Variants in TTLL8 observed in about 807,000 individuals in gnomAD.
TTLL8 encodes protein monoglycylase TTLL8.
In TTLL8, 65 loss-of-function variants were observed where a neutral mutation model predicts 77.8. The observed-to-expected ratio is 0.84, with a 90% CI of 0.68 to 1.03. The LOEUF (loss-of-function observed/expected upper bound fraction) is 1.03, where lower values mean the gene tolerates loss of function less well. Among genes scored for constraint, TTLL8 ranks in the 50% least tolerant of loss-of-function variants. The probability of loss-of-function intolerance (pLI) is 0.00; values close to 1 mark genes in which losing one functional copy is unlikely to be tolerated. For missense variants in TTLL8, 910 were observed against 1,004.5 expected (o/e 0.91, Z 1.27); for synonymous variants, 402 against 422.8 (o/e 0.95, Z 0.60).
chr22:50,022,848 A>G (rs2061212781), intron 12 of TTLL8, among the ~76,000 whole-genome samples: 1 of 152,276 alleles, frequency 6.6e-6, no homozygotes, highest in South Asian at 2.1e-4. Flanking sequence ...GGCATCTACA[A>G]GTTGCCAGAA....
At chr22:50,021,839 T>C (rs1448635993) in intron 12 of TTLL8, among the ~76,000 whole-genome samples, 1 of 148,068 alleles carries the variant, frequency 6.8e-6, no homozygotes, top group Non-Finnish European at 1.5e-5. Flanking sequence ...CGACGTGCAC[T>C]CCTCCATCTG....
At chr22:50,050,030 A>T in intron 2 of TTLL8, 79 bp downstream of exon 4, 2 of 1,305,218 alleles carry the variant, frequency 1.5e-6, no homozygotes, top group Non-Finnish European at 1.0e-6. Context: ...CAGGCACCAC[A>T]CTCAGGCCGG....
intron 1 of TTLL8, among the ~76,000 whole-genome samples, chr22:50,052,846 A>G (rs1190935417): frequency 6.6e-6 from 1 of 152,274 alleles, no homozygotes; most frequent in East Asian, 1.9e-4. Flanking sequence ...AGTAATTGAT[A>G]GAATGCACAG....
intron 1 of TTLL8, among the ~76,000 whole-genome samples, chr22:50,053,987 C>T (rs970045174): frequency 2.0e-5 from 3 of 150,144 alleles, no homozygotes; most frequent in Admixed American, 6.6e-5. Context: ...TTAACATCAC[C>T]ATGCCGTGCA....
At chr22:50,051,367 G>A (rs1351763982) in intron 1 of TTLL8, among the ~76,000 whole-genome samples, 9 of 152,234 alleles carry the variant, frequency 5.9e-5, no homozygotes, top group Non-Finnish European at 1.3e-4. Context: ...GACATTATCT[G>A]GTTCCTTCTT....
At position 50,034,898 on chromosome 22, in the gene TTLL8, C is replaced by G. The variant is rs1028357233; in HGVS notation, c.922-436G>C. Among the ~76,000 whole-genome samples, 3 of 152,180 alleles carry G rather than the reference C, an allele frequency of 2.0e-5. No individual in the cohort carries two copies. The highest frequency in any genetic ancestry group is 4.4e-5 in the Non-Finnish European group (3 of 68,030). ...GTGGTTGGTGGTGCCTGGGACCGACCCCTGGTAGGAAAGTGGCCGGCCCGT... is the reference window on the plus strand; with the variant it reads ...GTGGTTGGTGGTGCCTGGGACCGACGCCTGGTAGGAAAGTGGCCGGCCCGT... On this transcript the variant is annotated intron_variant, in intron 8 of 13. Transcript: ENST00000266182. The surrounding 1 kb of genome is among the most constrained non-coding windows in gnomAD (Gnocchi z 4.1).
upstream of TTLL8, chr22:50,057,068 C>A: frequency 1.1e-6 from 1 of 891,166 alleles, no homozygotes; most frequent in Non-Finnish European, 1.6e-6. Context: ...AGGGTCAGGT[C>A]TGGGGTTGGG....
chr22:50,038,803 A>T (rs1034802632), intron 8 of TTLL8, among the ~76,000 whole-genome samples: 2 of 151,306 alleles, frequency 1.3e-5, no homozygotes, highest in Admixed American at 6.6e-5. Context: ...ACGGAGTGAG[A>T]CCCCAATCTC....
intron 6 of TTLL8, among the ~76,000 whole-genome samples, chr22:50,042,274 G>A (rs2061376372): frequency 6.6e-6 from 1 of 152,206 alleles, no homozygotes; most frequent in African/African-American, 2.4e-5. Context: ...AGAGTATACA[G>A]AGACCTCTTG....
chr22:50,035,008 G>A, intron 8 of TTLL8, among the ~76,000 whole-genome samples: 1 of 152,246 alleles, frequency 6.6e-6, no homozygotes, highest in Admixed American at 6.5e-5. Context: ...TTGCAGTCAC[G>A]GGCTAGACTC....
intron 11 of TTLL8, 58 bp from the exon 13 acceptor site, chr22:50,030,983 G>T: frequency 7.8e-7 from 1 of 1,282,220 alleles, no homozygotes; most frequent in African/African-American, 1.5e-5. Flanking sequence ...GGGGGTCCCT[G>T]CAGGAGGGGT....
chr22:50,044,938 G>A lies in TTLL8; in HGVS notation c.643+317C>T, dbSNP rs923674548. Among the ~76,000 whole-genome samples the A allele has an allele frequency of 1.7e-4, 26 of 152,156 alleles. No individual in the cohort carries two copies. The highest frequency in any genetic ancestry group is 6.0e-4 in the African/African-American group (25 of 41,436). The stretch of plus-strand genomic sequence containing the variant: ...CTCAGGCTGCGGCATCGTGGTGGCC[G>A]TGGGGTGGGGCAGGCTTCCGACCAC... On this transcript the variant is annotated intron_variant, in intron 6 of 13. Transcript: ENST00000266182. The surrounding 1 kb of genome is among the most constrained non-coding windows in gnomAD (Gnocchi z 4.2).
At chr22:50,049,155 C>T in intron 3 of TTLL8, 94 bp downstream of exon 5, 2 of 1,347,384 alleles carry the variant, frequency 1.5e-6, no homozygotes, top group South Asian at 2.4e-5. Flanking sequence ...GCTGCCATCC[C>T]CCCAGGACAT....
At chr22:50,020,922 ATG>A (rs1184182950) in intron 12 of TTLL8, among the ~76,000 whole-genome samples, 1 of 108,544 alleles carries the variant, frequency 9.2e-6, no homozygotes, top group South Asian at 3.0e-4. Flanking sequence ...CTCCATCTGA[ATG>A]TGTACTCCTC....
chr22:50,057,513 T>G (rs1470120793), upstream of TTLL8, among the ~76,000 whole-genome samples: 1 of 70,908 alleles, frequency 1.4e-5, no homozygotes. Flanking sequence ...CAGGTCTGGG[T>G]TGGGGGGTCA....
chr22:50,023,641 C>T (rs1000230196), intron 12 of TTLL8, among the ~76,000 whole-genome samples: 5 of 151,942 alleles, frequency 3.3e-5, no homozygotes, highest in Non-Finnish European at 5.9e-5. Flanking sequence ...GCCAAGATCG[C>T]ACCGCTGCAC....
chr22:50,036,013 C>T (rs1463391362), intron 8 of TTLL8, among the ~76,000 whole-genome samples: 1 of 152,238 alleles, frequency 6.6e-6, no homozygotes, highest in Non-Finnish European at 1.5e-5. Context: ...GAGCACCGCG[C>T]AGGAGCTGGC....
At chr22:50,032,764 T>TCC (rs2061306311) in intron 10 of TTLL8, among the ~76,000 whole-genome samples, 1 of 152,152 alleles carries the variant, frequency 6.6e-6, no homozygotes, top group African/African-American at 2.4e-5. Context: ...TCCTGAGGAC[T>TCC]CCACAGGCTC....
chr22:50,050,247 C>T (rs2061437283), exon 2 of TTLL8: 2 of 1,319,714 alleles, frequency 1.5e-6, no homozygotes, highest in Admixed American at 2.3e-5. Flanking sequence ...ATCTTCTTCT[C>T]CTAAAATGGC....
Sources: gnomAD v4.1 joint callset for allele counts (sites outside exome capture counted in the v4.1 genomes callset) on GRCh38, gnomAD v4.1.1 for gene constraint, Gnocchi (gnomAD v3.1) non-coding constraint, MANE v1.5 for transcripts, NCBI Gene and HGNC (gene_info 2026-07-23, HGNC 2026-07-21) for gene names.